PAX7: variants seen among roughly 807,000 people sequenced by gnomAD.
The protein encoded by PAX7 is paired box 7.
PAX7 carries 18 observed loss-of-function variants against 50.7 expected under a neutral mutation model. The observed-to-expected ratio is 0.36, with a 90% CI of 0.25 to 0.53. The LOEUF (loss-of-function observed/expected upper bound fraction) is 0.53. Ranked by LOEUF, PAX7 falls within the 20% of genes least tolerant of loss-of-function variation. The pLI is 0.93. For synonymous variants in PAX7, 310 were observed against 290.4 expected, an observed-to-expected ratio of 1.07 and a Z score of -0.69; for missense variants, 644 against 702.9, an observed-to-expected ratio of 0.92 and a Z score of 0.95.
At chr1:18,713,764 A>T (rs1019495977) in intron 7 of PAX7, among the ~76,000 whole-genome samples, 1 of 152,182 alleles carries the variant, frequency 6.6e-6, no homozygotes, top group Admixed American at 6.5e-5. Context: ...GAGGAGTTCC[A>T]GAGGGAAGAC....
intron 6 of PAX7, among the ~76,000 whole-genome samples, chr1:18,701,123 A>G (rs1356035668): frequency 9.0e-6 from 1 of 110,502 alleles, no homozygotes; most frequent in Admixed American, 9.1e-5. Flanking sequence ...CTGCACTTCT[A>G]AAAATCCCCC....
intron 5 of PAX7, among the ~76,000 whole-genome samples, chr1:18,694,461 A>AAAAT (rs61364336): frequency 0.065 from 9,041 of 139,646 alleles, 371 homozygotes; most frequent in Non-Finnish European, 0.075. Flanking sequence ...CTCTGTCTCG[A>AAAAT]AAATAAATAA....
At position 18,737,234 on chromosome 1, in the gene PAX7, G is replaced by A. The variant is rs116005194; in HGVS notation, c.1402+1356G>A. The stretch of plus-strand genomic sequence containing the variant: ...CCTGCTGGTGTCAAACTAATCAGAA[G>A]GGCGTGTGGCAAGAGGGTGAGGCCC... On this transcript the variant is annotated intron_variant, in intron 8 of 8. Transcript: ENST00000420770. Among the ~76,000 whole-genome samples the A allele has an allele frequency of 5.0e-3, 767 of 152,368 alleles. 1 individual carries two copies. The highest frequency in any genetic ancestry group is 0.017 in the African/African-American group (696 of 41,600).
intron 1 of PAX7, among the ~76,000 whole-genome samples, chr1:18,633,187 A>C (rs1348278397): frequency 6.6e-6 from 1 of 152,120 alleles, no homozygotes; most frequent in Non-Finnish European, 1.5e-5. Flanking sequence ...GGCGGTAGGA[A>C]CGGCCCAGCA....
Position 18,636,465 on chromosome 1 carries a change from G to T in PAX7, c.586+94G>T, listed in dbSNP as rs2088159245. ...GTTCGCTCCCGCCGCCGGAGCAGGC[G>T]ACCAGAACTCCAGCGGAGAAACTCT... On this transcript the variant is annotated intron_variant, in intron 4 of 8. Coordinates refer to ENST00000420770, the MANE Select transcript of PAX7 (RefSeq NM_001135254.2). This position sits in a 1 kb window ranked among gnomAD's most constrained non-coding sequence, Gnocchi z 5.1. 1 of 1,435,152 alleles carries T rather than the reference G, an allele frequency of 7.0e-7. No homozygotes were observed. Among genetic ancestry groups the T allele is most frequent in the African/African-American group, 1.4e-5 (1 of 70,150 alleles). 88.9% of individuals were successfully genotyped at this position (1,435,152 alleles called of 1,614,324 possible). A position where few individuals can be genotyped will look rare whatever the true frequency, so the allele number is the denominator to read the frequency against.
chr1:18,737,058 G>A (rs1288993000), intron 8 of PAX7, among the ~76,000 whole-genome samples: 1 of 152,264 alleles, frequency 6.6e-6, no homozygotes, highest in Non-Finnish European at 1.5e-5. Context: ...TTGAGGCAGG[G>A]ACCGTGGATC....
At chr1:18,720,503 G>A (rs1049298884) in intron 7 of PAX7, among the ~76,000 whole-genome samples, 5 of 152,158 alleles carry the variant, frequency 3.3e-5, no homozygotes, top group Non-Finnish European at 7.3e-5. Flanking sequence ...GAGGTATGCA[G>A]TGGGCAAGGA....
intron 4 of PAX7, among the ~76,000 whole-genome samples, chr1:18,639,688 A>T (rs2088219879): frequency 6.6e-6 from 1 of 152,184 alleles, no homozygotes; most frequent in Admixed American, 6.5e-5. Context: ...GGGGAATTTG[A>T]TAGGGGTTTG....
intron 7 of PAX7, among the ~76,000 whole-genome samples, chr1:18,719,075 C>A (rs2089463755): frequency 6.6e-6 from 1 of 152,220 alleles, no homozygotes; most frequent in Admixed American, 6.5e-5. Flanking sequence ...CAAATAGAGA[C>A]ACTCACAATG....
rs1276956992 is a variant in PAX7 at position 18,674,026 on chromosome 1, A to G, written c.587-17728A>G. On this transcript the variant is annotated intron_variant, in intron 4 of 8. Coordinates refer to ENST00000420770, the MANE Select transcript of PAX7 (RefSeq NM_001135254.2). ...GAAATTATTGTACAAAACAATCCTAACACACTCACCAACAATCACGTTGGC... is the reference window on the plus strand; with the variant it reads ...GAAATTATTGTACAAAACAATCCTAGCACACTCACCAACAATCACGTTGGC... Among the ~76,000 whole-genome samples the G allele has an allele frequency of 2.0e-5, 3 of 152,340 alleles. No individual in the cohort carries two copies. In the East Asian group the frequency reaches 5.8e-4, roughly 29 times the overall value.
rs2089204489 is a variant in PAX7, at chr1:18,700,478, G to T, written c.787-175G>T. Among the ~76,000 whole-genome samples, 1 of 152,178 alleles carries T rather than the reference G, an allele frequency of 6.6e-6. No individual in the cohort carries two copies. Among genetic ancestry groups the T allele is most frequent in the Non-Finnish European group, 1.5e-5 (1 of 68,026 alleles). ...CTGGTGGTTGTGAGGGCAGAATGGGGTCATACCTATGAAATCACTCTGCAA... is the reference window on the plus strand; with the variant it reads ...CTGGTGGTTGTGAGGGCAGAATGGGTTCATACCTATGAAATCACTCTGCAA... On this transcript the variant is annotated intron_variant, in intron 5 of 8. Coordinates refer to ENST00000420770, the MANE Select transcript of PAX7 (RefSeq NM_001135254.2). The surrounding 1 kb of genome is among the most constrained non-coding windows in gnomAD (Gnocchi z 4.8).
chr1:18,662,753 T>G (rs2088618228), intron 4 of PAX7, among the ~76,000 whole-genome samples: 1 of 152,086 alleles, frequency 6.6e-6, no homozygotes, highest in African/African-American at 2.4e-5. Flanking sequence ...TTTGTACTTT[T>G]AGTAGAGATG....
intron 8 of PAX7, among the ~76,000 whole-genome samples, chr1:18,744,543 A>G (rs1361263492): frequency 1.8e-5 from 2 of 109,100 alleles, no homozygotes; most frequent in Admixed American, 1.8e-4. Flanking sequence ...AGATGGACAG[A>G]ATGGATGGGT....
intron 4 of PAX7, among the ~76,000 whole-genome samples, chr1:18,686,163 A>G (rs1248225489): frequency 6.6e-6 from 1 of 152,168 alleles, no homozygotes; most frequent in African/African-American, 2.4e-5. Flanking sequence ...GGACAAGGTG[A>G]TACCTCCTCC....
chr1:18,717,915 C>A (rs2089447177), intron 7 of PAX7, among the ~76,000 whole-genome samples: 1 of 152,162 alleles, frequency 6.6e-6, no homozygotes, highest in African/African-American at 2.4e-5. Context: ...GTCTGCAGCC[C>A]CCTCTTAGGG....
intron 7 of PAX7, among the ~76,000 whole-genome samples, chr1:18,704,703 T>TAA (rs35813876): frequency 1.8e-4 from 27 of 147,274 alleles, no homozygotes; most frequent in South Asian, 1.1e-3. Context: ...TACAGTAAAT[T>TAA]AAAAAAAAAA....
intron 5 of PAX7, among the ~76,000 whole-genome samples, chr1:18,699,778 G>A (rs1447425587): frequency 3.3e-5 from 5 of 151,974 alleles, no homozygotes; most frequent in Non-Finnish European, 7.4e-5. Flanking sequence ...AGCCAGGATG[G>A]TCTCAATCTC....
At chr1:18,724,384 T>A (rs2089530424) in intron 7 of PAX7, among the ~76,000 whole-genome samples, 1 of 152,208 alleles carries the variant, frequency 6.6e-6, no homozygotes, top group Non-Finnish European at 1.5e-5. Context: ...ACAGCCACCA[T>A]CAGCAGAGCC....
intron 7 of PAX7, among the ~76,000 whole-genome samples, chr1:18,711,900 C>T (rs984302965): frequency 1.3e-5 from 2 of 152,164 alleles, no homozygotes; most frequent in Non-Finnish European, 2.9e-5. Context: ...CCCAACTGGC[C>T]TTCTGCACCC....
Sources: gnomAD v4.1 joint callset for allele counts (sites outside exome capture counted in the v4.1 genomes callset) on GRCh38, gnomAD v4.1.1 for gene constraint, Gnocchi (gnomAD v3.1) non-coding constraint, MANE v1.5 for transcripts, NCBI Gene and HGNC (gene_info 2026-07-23, HGNC 2026-07-21) for gene names.